SYDE2: variants seen among roughly 807,000 people sequenced by gnomAD.
SYDE2 encodes synapse defective Rho GTPase homolog 2, also known as rho GTPase-activating protein SYDE2.
SYDE2 carries 76 observed loss-of-function variants against 91.5 expected under a neutral mutation model. That is an observed-to-expected ratio of 0.83 (90% CI 0.69 to 1.01). The LOEUF (loss-of-function observed/expected upper bound fraction) is 1.01. Ranked by LOEUF, SYDE2 falls within the 50% of genes least tolerant of loss-of-function variation. The pLI is 0.00. For missense variants in SYDE2, 1,364 were observed against 1,367.7 expected (o/e 1.00, Z 0.04); for synonymous variants, 513 against 506.4 (o/e 1.01, Z -0.18).
chr1:85,186,552 G>A (rs1005986398), intron 2 of SYDE2, among the ~76,000 whole-genome samples: 8 of 151,922 alleles, frequency 5.3e-5, no homozygotes, highest in Middle Eastern at 3.2e-3. Context: ...AGCCCGCATC[G>A]CCAAGTTAAT....
chr1:85,166,871 C>T (rs1657297500), intron 5 of SYDE2, among the ~76,000 whole-genome samples: 1 of 151,920 alleles, frequency 6.6e-6, no homozygotes, highest in Non-Finnish European at 1.5e-5. Flanking sequence ...TTTTTTTTGA[C>T]TACTAAATAA....
At chr1:85,199,863 C>T (rs1011832106) in intron 1 of SYDE2, among the ~76,000 whole-genome samples, 1 of 151,904 alleles carries the variant, frequency 6.6e-6, no homozygotes, top group African/African-American at 2.4e-5. Context: ...ACAAACTCCA[C>T]AAAAGTCTAC....
chr1:85,172,151 C>T (rs888309278), intron 4 of SYDE2, among the ~76,000 whole-genome samples: 3 of 152,104 alleles, frequency 2.0e-5, no homozygotes, highest in Admixed American at 1.3e-4. Context: ...TCTATTATTA[C>T]AGAAAGGAAG....
chr1:85,190,397 T>C lies in SYDE2; in HGVS notation c.1101A>G (p.Glu367=). The C allele has an allele frequency of 1.9e-6, 3 of 1,613,882 alleles. No individual in the cohort carries two copies. The highest frequency in any genetic ancestry group is 2.5e-6 in the Non-Finnish European group (3 of 1,179,820). The change falls in exon 2 of 7, where the codon GAA becomes GAG. Residue 367 remains glutamate, a synonymous_variant. Transcript: ENST00000341460. ...GAATGGGATTGTACCATATTTCTCC[T>C]TCATCATCTGCATCATTTTCCTCAT... ...DFNEENDADD[E]GEIWYNPIPE... is the part of the protein sequence containing the mutation.
In SYDE2 at chr1:85,169,180, G is replaced by C; in HGVS notation, c.2717C>G (p.Thr906Arg). Residue 906 changes from threonine (T) to arginine (R), a missense_variant, in exon 5 of 7, where the codon ACA (threonine) becomes AGA (arginine). Thr to Arg is a moderately conservative substitution (Grantham distance 71). Coordinates refer to ENST00000341460, the MANE Select transcript of SYDE2 (RefSeq NM_032184.2). ...TAATACAGCCTCATAAAGCTGCTTT[G>C]TTATCAGAGGAGAAGGGAGTTCTCT... The part of the protein sequence containing the change: ...YLRELPSPLI[T>R]KQLYEAVLDA... The C allele has an allele frequency of 6.2e-7, 1 of 1,613,774 alleles. No homozygotes were observed. Among genetic ancestry groups the C allele is most frequent in the Non-Finnish European group, 8.5e-7 (1 of 1,179,760 alleles).
intron 2 of SYDE2, among the ~76,000 whole-genome samples, chr1:85,185,866 G>C (rs1471355756): frequency 6.6e-6 from 1 of 152,110 alleles, no homozygotes; most frequent in Non-Finnish European, 1.5e-5. Flanking sequence ...GGGCATCCCT[G>C]TCTTGTGCCA....
chr1:85,154,782 C>CTGGA (rs1204001197), downstream of SYDE2, among the ~76,000 whole-genome samples: 4 of 151,798 alleles, frequency 2.6e-5, no homozygotes, highest in Non-Finnish European at 5.9e-5. Context: ...TACTGCAAAA[C>CTGGA]TGGATGCTTG....
chr1:85,200,302 C>T lies in SYDE2; in HGVS notation c.695G>A (p.Arg232His), dbSNP rs372797215. 6.8e-6 allele frequency: 11 copies of T among 1,613,908 alleles called. No individual in the cohort carries two copies. The Admixed American group carries it at 1.2e-4, about 17-fold the overall frequency. Residue 232 changes from arginine (R) to histidine (H), a missense_variant, in exon 1 of 7, where the codon CGT becomes CAT. Physicochemically the swap from Arg to His is conservative, Grantham distance 29. Coordinates refer to ENST00000341460, the MANE Select transcript of SYDE2 (RefSeq NM_032184.2). ...ASPNVGALKVRENRVLSVPPD... is the reference protein window; with the variant it reads ...ASPNVGALKVHENRVLSVPPD... The stretch of plus-strand genomic sequence containing the variant: ...AGGCACCGACAGGACACGGTTTTCA[C>T]GCACTTTCAAAGCGCCCACATTTGG...
intron 2 of SYDE2, among the ~76,000 whole-genome samples, chr1:85,187,856 G>A (rs1570267549): frequency 7.0e-6 from 1 of 143,116 alleles, no homozygotes; most frequent in African/African-American, 2.6e-5. Flanking sequence ...TCACACTCTG[G>A]GGACTGTTGT....
chr1:85,196,214 A>G (rs1658581702), intron 1 of SYDE2, among the ~76,000 whole-genome samples: 1 of 152,216 alleles, frequency 6.6e-6, no homozygotes, highest in African/African-American at 2.4e-5. Flanking sequence ...ACCAAGTATC[A>G]GAATAAGGTA....
intron 4 of SYDE2, among the ~76,000 whole-genome samples, chr1:85,174,155 G>C (rs1250770997): frequency 6.6e-6 from 1 of 152,048 alleles, no homozygotes; most frequent in Non-Finnish European, 1.5e-5. Flanking sequence ...GGGTAGGTGG[G>C]GTGGAAACAA....
In SYDE2 at chr1:85,200,552, C is replaced by G. The variant is rs1354656401; in HGVS notation, c.445G>C (p.Asp149His). The G allele has an allele frequency of 6.2e-7, 1 of 1,609,116 alleles. No individual in the cohort carries two copies. Among genetic ancestry groups the G allele is most frequent in the Admixed American group, 1.7e-5 (1 of 59,332 alleles). The change falls in exon 1 of 7, where the codon GAC becomes CAC. Residue 149 changes from aspartate to histidine, a missense_variant. Asp to His is a moderately conservative substitution (Grantham distance 81). Coordinates refer to ENST00000341460, the MANE Select transcript of SYDE2 (RefSeq NM_032184.2). ...GGGCTTCCCGAGGAGCAGCCGTGGTCCTTGCAGCCTGGAGGCTGGAGGCCG... is the reference window on the plus strand; with the variant it reads ...GGGCTTCCCGAGGAGCAGCCGTGGTGCTTGCAGCCTGGAGGCTGGAGGCCG... ...PTGLQPPGCKDHGCSSGSPFR... is the reference protein window; with the variant it reads ...PTGLQPPGCKHHGCSSGSPFR...
At chr1:85,155,491 A>T (rs11161535), downstream of SYDE2, among the ~76,000 whole-genome samples, 68,352 of 146,496 alleles carry the variant, frequency 0.47, 16,843 homozygotes, top group South Asian at 0.62. Context: ...GATTTTTTTT[A>T]AAAAAAAAGA....
chr1:85,168,857 CTG>C (rs1289287617), intron 5 of SYDE2, among the ~76,000 whole-genome samples, 185 bp downstream of exon 5: 1 of 152,074 alleles, frequency 6.6e-6, no homozygotes, highest in Non-Finnish European at 1.5e-5. Flanking sequence ...AAAGATAAAA[CTG>C]TTTTCTAGAT....
intron 1 of SYDE2, among the ~76,000 whole-genome samples, chr1:85,196,606 GAA>G (rs1160756285): frequency 1.8e-5 from 2 of 108,790 alleles, no homozygotes; most frequent in Non-Finnish European, 2.0e-5. Context: ...TCCAGAAAAA[GAA>G]AAAAAAAAAA....
At chr1:85,168,089 C>T (rs947906589) in intron 5 of SYDE2, among the ~76,000 whole-genome samples, 3 of 149,884 alleles carry the variant, frequency 2.0e-5, no homozygotes, top group Admixed American at 6.7e-5. Flanking sequence ...CACTCAAGCC[C>T]GGGCAACAGA....
chr1:85,181,479 A>G (rs1246978604), intron 3 of SYDE2: 1 of 152,130 alleles, frequency 6.6e-6, no homozygotes, highest in Non-Finnish European at 1.5e-5. Flanking sequence ...GATACAAGCA[A>G]GTAAGACCCA....
At chr1:85,163,480 T>TATATATATATATAA (rs1216698478) in intron 6 of SYDE2, among the ~76,000 whole-genome samples, 34 of 134,634 alleles carry the variant, frequency 2.5e-4, no homozygotes, top group African/African-American at 9.5e-4. Flanking sequence ...TATATATATA[T>TATATATATATATAA]AACAAAAGAG....
Position 85,200,823 on chromosome 1 carries a change from C to A in SYDE2, c.174G>T (p.Gln58His). Residue 58 changes from glutamine (Q) to histidine (H), a missense_variant, in exon 1 of 7, where the codon CAG (glutamine) becomes CAT (histidine). Physicochemically the swap from Gln to His is conservative, Grantham distance 24. Coordinates refer to ENST00000341460, the MANE Select transcript of SYDE2 (RefSeq NM_032184.2). ...ERGGGGRPRQ[Q>H]VSPPRSPQRE... The stretch of plus-strand genomic sequence containing the variant: ...TCTGAGGCGACCGGGGCGGGGACAC[C>A]TGCTGCCGAGGGCGTCCGCCGCCTC... 1 of 1,418,406 alleles carries A rather than the reference C, an allele frequency of 7.1e-7. No individual in the cohort carries two copies. The highest frequency in any genetic ancestry group is 9.1e-7 in the Non-Finnish European group (1 of 1,094,478). 87.9% of individuals were successfully genotyped at this position (1,418,406 alleles called of 1,614,324 possible).
Sources: gnomAD v4.1 joint callset for allele counts (sites outside exome capture counted in the v4.1 genomes callset) on GRCh38, gnomAD v4.1.1 for gene constraint, MANE v1.5 for transcripts, NCBI Gene and HGNC (gene_info 2026-07-23, HGNC 2026-07-21) for gene names.